The following PDGFRB variants were observed in gnomAD, a reference collection of about 807,000 sequenced individuals.
The protein encoded by PDGFRB is platelet-derived growth factor receptor beta.
PDGFRB carries 42 observed loss-of-function variants against 120.2 expected under a neutral mutation model. The observed-to-expected ratio is 0.35, with a 90% CI of 0.27 to 0.45. The LOEUF (loss-of-function observed/expected upper bound fraction) is 0.45, where lower values mean the gene tolerates loss of function less well. Among genes scored for constraint, PDGFRB ranks in the 20% least tolerant of loss-of-function variants. The pLI is 1.00. For synonymous variants in PDGFRB, 586 were observed against 606.8 expected (o/e 0.97, Z 0.50); for missense variants, 1,149 against 1,476.3 (o/e 0.78, Z 3.63).
intron 1 of PDGFRB, 100 bp downstream of exon 1, chr5:150,155,297 C>CTT (rs35505256): frequency 0.043 from 5,138 of 119,864 alleles, 371 homozygotes; most frequent in African/African-American, 0.12. Flanking sequence ...AATATCTTCC[C>CTT]TTTTTTTTTT....
At chr5:150,149,685 C>A (rs376829857) in intron 1 of PDGFRB, among the ~76,000 whole-genome samples, 1 of 152,330 alleles carries the variant, frequency 6.6e-6, no homozygotes, top group Non-Finnish European at 1.5e-5. Flanking sequence ...CAAACCTGCA[C>A]CTTTACCTTC....
At position 150,114,716 on chromosome 5, in the gene PDGFRB, T is replaced by C. The variant is rs1426331486; in HGVS notation, c.*1047A>G. On this transcript the variant is annotated 3_prime_UTR_variant, in exon 23 of 23. Transcript: ENST00000261799. ...CCCCAGGATGGAAGTTTAGGGTATA[T>C]GGCCTTGCTTCATCTGGACAAATGT... The C allele has an allele frequency of 8.6e-6, 2 of 233,564 alleles. No individual in the cohort carries two copies. Among genetic ancestry groups the C allele is most frequent in the African/African-American group, 4.4e-5 (2 of 45,334 alleles). 14.5% of individuals were successfully genotyped at this position (233,564 alleles called of 1,614,324 possible).
At chr5:150,118,592 G>A (rs1394135553) in intron 21 of PDGFRB, among the ~76,000 whole-genome samples, 155 bp downstream of exon 21, 2 of 152,154 alleles carry the variant, frequency 1.3e-5, no homozygotes, top group Non-Finnish European at 2.9e-5. Context: ...CACAGCGCCA[G>A]CCCATCCCCT....
rs747916560 is a variant in PDGFRB, at chr5:150,135,723, A to T, written c.196T>A (p.Ser66Thr). Residue 66 changes from serine (S) to threonine (T), a missense_variant, in exon 3 of 23, where the codon TCC (serine) becomes ACC (threonine). This residue lies in a region of PDGFRB where 879 missense variants were observed against 1,108.6 expected (regional missense o/e 0.79). Coordinates refer to ENST00000261799, the MANE Select transcript of PDGFRB (RefSeq NM_002609.4). ...GCCATTTCCTGTGGGGGCTCCTGGG[A>T]CATCCGTTCCCACACCACCGGAGCT... is the stretch of plus-strand genomic sequence containing the variant. ...GSAPVVWERM[S>T]QEPPQEMAKA... 6.2e-7 allele frequency: 1 copy of T among 1,614,112 alleles called. No homozygotes were observed. The highest frequency in any genetic ancestry group is 8.5e-7 in the Non-Finnish European group (1 of 1,180,000).
At chr5:150,149,161 C>T (rs529688451) in intron 1 of PDGFRB, among the ~76,000 whole-genome samples, 2 of 152,194 alleles carry the variant, frequency 1.3e-5, no homozygotes, top group South Asian at 4.2e-4. Context: ...GGGGAGGGGG[C>T]CTCCATGCAG....
rs1299019418 is a variant in PDGFRB, at chr5:150,133,752, C to A, written c.768G>T (p.Arg256=). 1 of 1,614,084 alleles carries A rather than the reference C, an allele frequency of 6.2e-7. No homozygotes were observed. The highest frequency in any genetic ancestry group is 1.1e-5 in the South Asian group (1 of 91,088). The stretch of plus-strand genomic sequence containing the variant: ...GGAAGTCAGTCACCGGCTCCACCAG[C>A]CGCCCACTCTGCAGCAACAGGTTGG... ...EWTYPRKESG[R]LVEPVTDFLL... The change falls in exon 6 of 23, where the codon CGG becomes CGT. Residue 256 remains arginine (R), a synonymous_variant. Coordinates refer to ENST00000261799, the MANE Select transcript of PDGFRB (RefSeq NM_002609.4).
chr5:150,141,520 G>T (rs1031298936), intron 1 of PDGFRB, among the ~76,000 whole-genome samples: 6 of 152,220 alleles, frequency 3.9e-5, no homozygotes, highest in African/African-American at 1.4e-4. Context: ...GTAGAGCAGA[G>T]ATTAAAGTGA....
At chr5:150,133,374 G>A (rs1326961701) in intron 6 of PDGFRB, among the ~76,000 whole-genome samples, 2 of 152,146 alleles carry the variant, frequency 1.3e-5, no homozygotes, top group Non-Finnish European at 2.9e-5. Flanking sequence ...GGTTTATCCT[G>A]GAATTGGGGT....
At chr5:150,119,337 G>A (rs1462679898) in intron 20 of PDGFRB, 130 bp downstream of exon 20, 10 of 696,740 alleles carry the variant, frequency 1.4e-5, no homozygotes, top group Non-Finnish European at 2.6e-5. Context: ...TTGAATGGCT[G>A]GATCCAGTTA....
At position 150,144,151 on chromosome 5, in the gene PDGFRB, T is replaced by C. The variant is rs181479538; in HGVS notation, c.-6-7098A>G. On this transcript the variant is annotated intron_variant, in intron 1 of 22. Coordinates refer to ENST00000261799, the MANE Select transcript of PDGFRB (RefSeq NM_002609.4). Reference sequence around the variant, plus strand: ...CTGCACCCCCTCCTCCAGCACAGGCTCGGCTGCCTCTGGCTATCCCACCGC... The same window carrying C: ...CTGCACCCCCTCCTCCAGCACAGGCCCGGCTGCCTCTGGCTATCCCACCGC... Among the ~76,000 whole-genome samples the C allele has an allele frequency of 9.7e-3, 1,481 of 152,184 alleles. 9 individuals carry two copies. The highest frequency in any genetic ancestry group is 0.017 in the Non-Finnish European group (1,187 of 68,002).
At position 150,125,589 on chromosome 5, in the gene PDGFRB, A is replaced by G. The variant is rs1760272647; in HGVS notation, c.1675-12T>C. On this transcript the variant is annotated splice_polypyrimidine_tract_variant and intron_variant, in intron 11 of 22. Transcript: ENST00000261799. The stretch of plus-strand genomic sequence containing the variant: ...TCGTAACGTGGCTTCTGGAGGACCA[A>G]CCCCAGGAATTAGTTATCAGAGGGA... The G allele has an allele frequency of 4.3e-6, 7 of 1,613,072 alleles. No individual in the cohort carries two copies. The highest frequency in any genetic ancestry group is 5.9e-6 in the Non-Finnish European group (7 of 1,179,440).
At chr5:150,130,787 A>G (rs1760444344) in intron 8 of PDGFRB, 125 bp from the exon 9 acceptor site, 1 of 781,900 alleles carries the variant, frequency 1.3e-6, no homozygotes, top group Non-Finnish European at 2.1e-6. Context: ...GCAGGTGAAC[A>G]TTAAATACCA....
rs1369810416 is a variant in PDGFRB at position 150,114,710 on chromosome 5, G to C, written c.*1053C>G. On this transcript the variant is annotated 3_prime_UTR_variant, in exon 23 of 23. Transcript: ENST00000261799. ...GCTGACCCCCAGGATGGAAGTTTAGGGTATATGGCCTTGCTTCATCTGGAC... is the reference window on the plus strand; with the variant it reads ...GCTGACCCCCAGGATGGAAGTTTAGCGTATATGGCCTTGCTTCATCTGGAC... 4.3e-6 allele frequency: 1 copy of C among 233,504 alleles called. No individual in the cohort carries two copies. Among genetic ancestry groups the C allele is most frequent in the Non-Finnish European group, 8.5e-6 (1 of 118,018 alleles). 14.5% of individuals were successfully genotyped at this position (233,504 alleles called of 1,614,324 possible). A position where few individuals can be genotyped will look rare whatever the true frequency, so the allele number is the denominator to read the frequency against.
rs74770051 is a variant in PDGFRB at position 150,142,661 on chromosome 5, C to T, written c.-6-5608G>A. 8.8e-3 allele frequency among the ~76,000 whole-genome samples: 1,320 copies of T among 150,102 alleles called. 25 individuals are homozygous for T. Among genetic ancestry groups the T allele is most frequent in the African/African-American group, 0.032 (1,256 of 39,526 alleles). On this transcript the variant is annotated intron_variant, in intron 1 of 22. Transcript: ENST00000261799. ...TATCTGCAGGGAATACATTCCAAGG[C>T]CCCAGTAGATGCCTGAAACTTTGGA...
intron 1 of PDGFRB, among the ~76,000 whole-genome samples, chr5:150,140,717 A>G (rs542927826): frequency 6.6e-6 from 1 of 151,390 alleles, no homozygotes; most frequent in African/African-American, 2.4e-5. Flanking sequence ...CTCCAAGTCA[A>G]AAGGAAGCAG....
chr5:150,138,162 C>T (rs958010486), intron 1 of PDGFRB, among the ~76,000 whole-genome samples: 6 of 152,186 alleles, frequency 3.9e-5, no homozygotes, highest in Admixed American at 1.3e-4. Context: ...GCAGGAAGGA[C>T]GCCAGAGGAC....
intron 8 of PDGFRB, among the ~76,000 whole-genome samples, chr5:150,131,035 G>A (rs1184522630): frequency 1.3e-5 from 2 of 152,100 alleles, no homozygotes; most frequent in Non-Finnish European, 2.9e-5. Flanking sequence ...TATGACATGT[G>A]ATGCCGATTT....
At chr5:150,139,447 C>A (rs1760721035) in intron 1 of PDGFRB, among the ~76,000 whole-genome samples, 1 of 152,126 alleles carries the variant, frequency 6.6e-6, no homozygotes, top group Non-Finnish European at 1.5e-5. Flanking sequence ...TGAAGCTCTG[C>A]CTTTCTGACA....
chr5:150,152,967 C>T (rs73277776), intron 1 of PDGFRB, among the ~76,000 whole-genome samples: 23 of 152,318 alleles, frequency 1.5e-4, no homozygotes, highest in African/African-American at 4.8e-4. Context: ...CGGGGTCACA[C>T]AGTCAGCCAG....
Sources: gnomAD v4.1 joint callset for allele counts (sites outside exome capture counted in the v4.1 genomes callset) on GRCh38, gnomAD v4.1.1 for gene constraint, gnomAD v4.1.1 regional missense constraint, MANE v1.5 for transcripts, NCBI Gene and HGNC (gene_info 2026-07-23, HGNC 2026-07-21) for gene names.